Variants in DHRSX observed in about 807,000 individuals in gnomAD.
The protein encoded by DHRSX is dehydrogenase/reductase X-linked.
DHRSX carries 31 observed loss-of-function variants against 34.0 expected under a neutral mutation model. That is an observed-to-expected ratio of 0.91 (90% confidence interval 0.69 to 1.23). The LOEUF (loss-of-function observed/expected upper bound fraction) is 1.23, where lower values mean the gene tolerates loss of function less well. Ranked by LOEUF, DHRSX falls within the 50% of genes most tolerant of loss-of-function variation. DHRSX has a pLI of 0.00. For synonymous variants in DHRSX, 201 were observed against 183.8 expected (o/e 1.09, Z -0.76); for missense variants, 414 against 428.1 (o/e 0.97, Z 0.29).
At chrX:2,418,581 C>T (rs2043726755) in intron 2 of DHRSX, among the ~76,000 whole-genome samples, 2 of 152,140 alleles carry the variant, frequency 1.3e-5, no homozygotes, top group South Asian at 2.1e-4. Flanking sequence ...AAGATCATTG[C>T]ACTGGAGGAG....
chrX:2,267,543 C>A (rs866384253), intron 4 of DHRSX, among the ~76,000 whole-genome samples: 99 of 127,650 alleles, frequency 7.8e-4, no homozygotes, highest in Admixed American at 9.0e-4. Flanking sequence ...GACTCCATCT[C>A]AAAAAAAAAA....
At chrX:2,305,218 G>A (rs1385862227) in intron 3 of DHRSX, among the ~76,000 whole-genome samples, 1 of 151,962 alleles carries the variant, frequency 6.6e-6, no homozygotes, top group Non-Finnish European at 1.5e-5. Context: ...TGGGGGTCAG[G>A]GAGGGGGAGA....
chrX:2,324,600 A>G (rs1182289242), intron 3 of DHRSX, among the ~76,000 whole-genome samples: 1 of 152,016 alleles, frequency 6.6e-6, no homozygotes, highest in African/African-American at 2.4e-5. Context: ...TTCAGGGACC[A>G]TGTCCTATTC....
chrX:2,292,906 CCTT>C (rs1235112136), intron 3 of DHRSX, among the ~76,000 whole-genome samples: 7 of 152,198 alleles, frequency 4.6e-5, no homozygotes, highest in Admixed American at 3.9e-4. Context: ...GCAAGGACTT[CCTT>C]CTTCTGCAGA....
chrX:2,259,341 G>GATATAGATATATAGATAGATATAGATAT lies in DHRSX; in HGVS notation c.596+7371_596+7398dup, dbSNP rs1569480916. Among the ~76,000 whole-genome samples, 6 of 143,272 alleles carry GATATAGATATATAGATAGATATAGATAT rather than the reference G, an allele frequency of 4.2e-5. No homozygotes were observed. In the East Asian group the frequency reaches 1.2e-3, roughly 28 times the overall value. The allele number at this position is 143,272 out of a possible 152,430, so 94.0% of individuals were successfully genotyped here. ...ATATAGATAGATATAGATATATATA[G>GATATAGATATATAGATAGATATAGATAT]ATATAGATATATAGATAGATATAGA... On this transcript the variant is annotated intron_variant, in intron 5 of 6. Transcript: ENST00000334651.
chrX:2,332,100 C>T (rs2042485975), intron 3 of DHRSX, among the ~76,000 whole-genome samples: 1 of 152,172 alleles, frequency 6.6e-6, no homozygotes, highest in South Asian at 2.1e-4. Context: ...ATAATGCTCA[C>T]CATTCACTAA....
intron 3 of DHRSX, among the ~76,000 whole-genome samples, chrX:2,311,878 C>A (rs964593782): frequency 2.0e-5 from 3 of 152,100 alleles, no homozygotes; most frequent in Non-Finnish European, 2.9e-5. Context: ...AAAGAAGTTA[C>A]CAAGGGTCTA....
intron 1 of DHRSX, 145 bp from the exon 2 acceptor site, chrX:2,425,449 G>T: frequency 2.8e-6 from 2 of 719,964 alleles, no homozygotes; most frequent in Non-Finnish European, 4.7e-6. Context: ...ATTCCCACAG[G>T]CTCAGGAGGC....
At position 2,417,150 on chromosome X, in the gene DHRSX, T is replaced by G. The variant is rs762478252; in HGVS notation, c.217+8047A>C. Among the ~76,000 whole-genome samples the G allele has an allele frequency of 3.9e-5, 6 of 152,300 alleles. No individual in the cohort carries two copies. The East Asian group carries it at 9.6e-4, about 24-fold the overall frequency. On this transcript the variant is annotated intron_variant, in intron 2 of 6. Transcript: ENST00000334651. ...TGTGGGATAGGAGACACAGGTGGGG[T>G]GCAGATGTGGTGTTTACTTTCTGTT...
intron 4 of DHRSX, among the ~76,000 whole-genome samples, chrX:2,285,198 T>TATGTA (rs2041790579): frequency 2.6e-5 from 4 of 152,190 alleles, no homozygotes; most frequent in African/African-American, 9.6e-5. Context: ...ATTTGTATTA[T>TATGTA]TATTACATTG....
intron 6 of DHRSX, among the ~76,000 whole-genome samples, chrX:2,231,929 T>C (rs2015898529): frequency 6.6e-6 from 1 of 150,536 alleles, no homozygotes; most frequent in African/African-American, 2.5e-5. Flanking sequence ...CCTCTATCTT[T>C]CTCTTCCTCT....
intron 6 of DHRSX, among the ~76,000 whole-genome samples, chrX:2,224,670 G>A (rs35950371): frequency 2.6e-5 from 4 of 151,798 alleles, no homozygotes; most frequent in South Asian, 2.1e-4. Context: ...ACATACATTC[G>A]TATGTACTCA....
At chrX:2,383,532 A>G (rs1398973415) in intron 3 of DHRSX, among the ~76,000 whole-genome samples, 2 of 152,254 alleles carry the variant, frequency 1.3e-5, no homozygotes, top group South Asian at 4.1e-4. Context: ...AACCATCATC[A>G]CCATCAGAAT....
chrX:2,370,194 CAG>C (rs2043040318), intron 3 of DHRSX, among the ~76,000 whole-genome samples: 2 of 151,444 alleles, frequency 1.3e-5, no homozygotes, highest in African/African-American at 2.4e-5. Context: ...TTTTTTGAAA[CAG>C]AGTCTCACTC....
At chrX:2,352,650 G>A (rs1222684776) in intron 3 of DHRSX, among the ~76,000 whole-genome samples, 2 of 152,110 alleles carry the variant, frequency 1.3e-5, no homozygotes, top group Non-Finnish European at 2.9e-5. Flanking sequence ...GAACTTATCA[G>A]GGTGGAAACT....
chrX:2,314,233 G>A (rs1416359069), intron 3 of DHRSX, among the ~76,000 whole-genome samples: 13 of 17,738 alleles, frequency 7.3e-4, no homozygotes, highest in African/African-American at 1.2e-3. Context: ...AAGGAAGGGA[G>A]GGAGGGAAGG....
chrX:2,430,671 T>C (rs2043907517), intron 1 of DHRSX, among the ~76,000 whole-genome samples: 1 of 152,064 alleles, frequency 6.6e-6, no homozygotes, highest in Non-Finnish European at 1.5e-5. Flanking sequence ...ACAGTTCCCC[T>C]AGTAAATCTC....
chrX:2,396,375 C>CTTTTTTTTTTTTTTT (rs1204243041), intron 3 of DHRSX, among the ~76,000 whole-genome samples: 46 of 99,222 alleles, frequency 4.6e-4, no homozygotes, highest in Non-Finnish European at 6.8e-4. Flanking sequence ...CTTTCTTTTT[C>CTTTTTTTTTTTTTTT]TTTTTTTTTT....
At chrX:2,392,351 T>G in intron 3 of DHRSX, 1 of 198,416 alleles carries the variant, frequency 5.0e-6, no homozygotes, top group Non-Finnish European at 1.0e-5. Flanking sequence ...ATGCAGCACA[T>G]ACAATTTTAG....
Sources: allele counts gnomAD v4.1 joint callset (sites outside exome capture counted in the v4.1 genomes callset), GRCh38; gene constraint gnomAD v4.1.1; transcripts MANE v1.5; gene names NCBI Gene and HGNC (gene_info 2026-07-23, HGNC 2026-07-21).